KAT2B: variants seen among roughly 807,000 people sequenced by gnomAD.
The protein encoded by KAT2B is histone acetyltransferase KAT2B.
KAT2B carries 36 observed loss-of-function variants against 105.9 expected under a neutral mutation model. The observed-to-expected ratio is 0.34, with a 90% CI of 0.26 to 0.45. The LOEUF (loss-of-function observed/expected upper bound fraction) is 0.45. KAT2B is among the 20% of genes least tolerant of loss of function. KAT2B has a pLI of 1.00. For synonymous variants in KAT2B, 397 were observed against 377.9 expected, an observed-to-expected ratio of 1.05 and a Z score of -0.59; for missense variants, 820 against 1,021.6, an observed-to-expected ratio of 0.80 and a Z score of 2.69.
chr3:20,077,277 G>A (rs1042339679), intron 2 of KAT2B, among the ~76,000 whole-genome samples: 1 of 152,162 alleles, frequency 6.6e-6, no homozygotes, highest in Non-Finnish European at 1.5e-5. Flanking sequence ...AGGAGTTTGA[G>A]GCCAAAGTGA....
chr3:20,056,757 G>C (rs1394431634), intron 1 of KAT2B, among the ~76,000 whole-genome samples: 1 of 152,192 alleles, frequency 6.6e-6, no homozygotes, highest in Non-Finnish European at 1.5e-5. Context: ...TTTTAAGAAG[G>C]AGGAGGCACA....
intron 1 of KAT2B, among the ~76,000 whole-genome samples, chr3:20,046,369 C>G (rs961311383): frequency 1.3e-5 from 2 of 152,122 alleles, no homozygotes; most frequent in Admixed American, 6.5e-5. Context: ...ATCACTTGAG[C>G]TCACGAGTTC....
At chr3:20,082,821 C>CAGACTAA (rs1276079328) in intron 2 of KAT2B, among the ~76,000 whole-genome samples, 2 of 152,050 alleles carry the variant, frequency 1.3e-5, no homozygotes, top group Admixed American at 1.3e-4. Flanking sequence ...ATGAGTATGG[C>CAGACTAA]AGACTAAAGG....
intron 3 of KAT2B, among the ~76,000 whole-genome samples, chr3:20,096,420 T>G (rs1022978152): frequency 2.1e-4 from 32 of 152,030 alleles, no homozygotes; most frequent in Admixed American, 6.6e-5. Flanking sequence ...AACTTCAGGT[T>G]GCCAAAAATA....
At chr3:20,142,568 T>TAG (rs10663947) in intron 13 of KAT2B, among the ~76,000 whole-genome samples, 16,550 of 151,444 alleles carry the variant, frequency 0.11, 1,131 homozygotes, top group Admixed American at 0.17. Flanking sequence ...TTGTCATTAG[T>TAG]AGAGAGAGAG....
chr3:20,057,582 T>C (rs1698022635), intron 1 of KAT2B, among the ~76,000 whole-genome samples: 1 of 152,202 alleles, frequency 6.6e-6, no homozygotes. Flanking sequence ...CTGACTGCTC[T>C]GGCATTTTGA....
chr3:20,040,847 C>G (rs186242463), intron 1 of KAT2B, 67 bp downstream of exon 1: 23,956 of 1,465,158 alleles, frequency 0.016, 217 homozygotes, highest in Non-Finnish European at 0.018. Flanking sequence ...CCCCCCTCCC[C>G]CTCCCGCTTC....
chr3:20,057,122 T>G (rs1698015497), intron 1 of KAT2B, among the ~76,000 whole-genome samples: 2 of 152,140 alleles, frequency 1.3e-5, no homozygotes, highest in African/African-American at 4.8e-5. Context: ...GGTATAGATC[T>G]GACAGAGTTT....
chr3:20,144,525 G>A (rs1303047375), intron 13 of KAT2B, among the ~76,000 whole-genome samples: 26 of 151,018 alleles, frequency 1.7e-4, no homozygotes, highest in Admixed American at 1.6e-3. Flanking sequence ...TCCTGACCTC[G>A]TGATCTGCCC....
At chr3:20,074,805 T>C (rs1698388572) in intron 2 of KAT2B, among the ~76,000 whole-genome samples, 1 of 152,186 alleles carries the variant, frequency 6.6e-6, no homozygotes, top group Non-Finnish European at 1.5e-5. Flanking sequence ...TGAGTATTGG[T>C]TCAGGATTTA....
intron 1 of KAT2B, among the ~76,000 whole-genome samples, chr3:20,053,639 A>T (rs1476235617): frequency 6.6e-6 from 1 of 152,164 alleles, no homozygotes; most frequent in African/African-American, 2.4e-5. Flanking sequence ...ATATTCTAGA[A>T]GTCTGTATTA....
intron 1 of KAT2B, among the ~76,000 whole-genome samples, chr3:20,061,091 CT>C (rs1698092191): frequency 6.6e-6 from 1 of 152,222 alleles, no homozygotes; most frequent in Non-Finnish European, 1.5e-5. Flanking sequence ...CCACAGAACA[CT>C]TTTCAGCTTG....
At chr3:20,148,351 T>A in intron 16 of KAT2B, 45 bp downstream of exon 16, 1 of 1,610,242 alleles carries the variant, frequency 6.2e-7, no homozygotes, top group Non-Finnish European at 8.5e-7. Flanking sequence ...TTTGAAATGA[T>A]TTCCCACATG....
intron 8 of KAT2B, among the ~76,000 whole-genome samples, chr3:20,120,477 C>T (rs1559322117): frequency 6.6e-6 from 1 of 152,144 alleles, no homozygotes; most frequent in Non-Finnish European, 1.5e-5. Flanking sequence ...ATCTACCTGT[C>T]TCGGCCTCCC....
At chr3:20,127,754 C>T (rs887803732) in intron 11 of KAT2B, among the ~76,000 whole-genome samples, 5 of 152,160 alleles carry the variant, frequency 3.3e-5, no homozygotes, top group Admixed American at 3.3e-4. Context: ...AATTTTTCCA[C>T]GGGTCAGATT....
At chr3:20,096,334 T>C (rs1353797646) in intron 3 of KAT2B, among the ~76,000 whole-genome samples, 1 of 152,088 alleles carries the variant, frequency 6.6e-6, no homozygotes, top group African/African-American at 2.4e-5. Flanking sequence ...ACTATAGACA[T>C]ACATCTCCTC....
chr3:20,120,485 C>T (rs555518792), intron 8 of KAT2B, among the ~76,000 whole-genome samples: 32 of 152,276 alleles, frequency 2.1e-4, no homozygotes, highest in Admixed American at 7.2e-4. Context: ...GTCTCGGCCT[C>T]CCAAAGTGCT....
chr3:20,089,856 CAG>C (rs1352051989), intron 2 of KAT2B, among the ~76,000 whole-genome samples: 5 of 151,794 alleles, frequency 3.3e-5, no homozygotes, highest in Non-Finnish European at 5.9e-5. Flanking sequence ...TGTTAGTATA[CAG>C]AAACATGGCT....
Position 20,073,669 on chromosome 3 carries a change from A to G in KAT2B, c.430+1210A>G, listed in dbSNP as rs574844293. Among the ~76,000 whole-genome samples the G allele has an allele frequency of 4.6e-5, 7 of 152,202 alleles. No homozygotes were observed. The South Asian group carries it at 8.3e-4, about 18-fold the overall frequency. ...TTGAAGCACTCAATACAGAGCAAAA[A>G]TTTCAAAAGTTAGAGAACTGTCCTT... On this transcript the variant is annotated intron_variant, in intron 2 of 17. Coordinates refer to ENST00000263754, the MANE Select transcript of KAT2B (RefSeq NM_003884.5).
Sources: allele counts gnomAD v4.1 joint callset (sites outside exome capture counted in the v4.1 genomes callset), GRCh38; gene constraint gnomAD v4.1.1; transcripts MANE v1.5; gene names NCBI Gene and HGNC (gene_info 2026-07-23, HGNC 2026-07-21).